Variants in JAZF1 observed in about 807,000 individuals in gnomAD.
The protein encoded by JAZF1 is JAZF zinc finger 1.
JAZF1 carries 8 observed loss-of-function variants against 26.4 expected under a neutral mutation model. That is an observed-to-expected ratio of 0.30 (90% CI 0.18 to 0.55). The LOEUF is 0.55. JAZF1 is among the 20% of genes least tolerant of loss of function. The pLI is 0.94. For synonymous variants in JAZF1, 126 were observed against 122.3 expected, an observed-to-expected ratio of 1.03 and a Z score of -0.20; for missense variants, 199 against 322.0, an observed-to-expected ratio of 0.62 and a Z score of 2.92.
chr7:27,895,485 G>C, intron 2 of JAZF1, 69 bp from the exon 3 acceptor site: 2 of 1,208,732 alleles, frequency 1.7e-6, no homozygotes, highest in African/African-American at 1.6e-5. Flanking sequence ...ACATTTATTA[G>C]AGTTTCAGAC....
At chr7:28,116,827 T>C (rs1233878615) in intron 1 of JAZF1, among the ~76,000 whole-genome samples, 1 of 152,050 alleles carries the variant, frequency 6.6e-6, no homozygotes, top group Non-Finnish European at 1.5e-5. Context: ...TCATTTTCTT[T>C]TTCTTTTTTC....
intron 1 of JAZF1, among the ~76,000 whole-genome samples, chr7:28,058,147 G>A (rs1273983723): frequency 2.6e-5 from 4 of 152,096 alleles, no homozygotes; most frequent in Admixed American, 2.6e-4. Flanking sequence ...GATCCTGGTG[G>A]GGACACCAAT....
At chr7:27,938,522 G>T (rs1039298733) in intron 2 of JAZF1, among the ~76,000 whole-genome samples, 1 of 152,166 alleles carries the variant, frequency 6.6e-6, no homozygotes, top group South Asian at 2.1e-4. Flanking sequence ...CTTGGGCAAG[G>T]TACTTATCTC....
chr7:27,975,363 C>A (rs1296905853), intron 2 of JAZF1, among the ~76,000 whole-genome samples: 1 of 152,126 alleles, frequency 6.6e-6, no homozygotes, highest in Non-Finnish European at 1.5e-5. Context: ...AAATCCACCC[C>A]TATGATCCAA....
At chr7:27,855,233 G>A (rs13237769) in intron 3 of JAZF1, among the ~76,000 whole-genome samples, 34,305 of 151,818 alleles carry the variant, frequency 0.23, 4,290 homozygotes, top group African/African-American at 0.33. Flanking sequence ...GCAGTGTGTA[G>A]AGGGAAATTT....
chr7:28,159,785 CAT>C (rs1478812016), intron 1 of JAZF1, among the ~76,000 whole-genome samples: 3 of 152,106 alleles, frequency 2.0e-5, no homozygotes, highest in African/African-American at 7.2e-5. Context: ...CTGGTGTACA[CAT>C]AGCCTATTAT....
At chr7:27,886,535 A>C (rs1000730161) in intron 3 of JAZF1, among the ~76,000 whole-genome samples, 4 of 152,202 alleles carry the variant, frequency 2.6e-5, no homozygotes, top group African/African-American at 9.7e-5. Context: ...TATCTATGAC[A>C]TTTTATGGGT....
At chr7:27,942,845 C>T (rs1006934001) in intron 2 of JAZF1, among the ~76,000 whole-genome samples, 1 of 152,162 alleles carries the variant, frequency 6.6e-6, no homozygotes, top group Non-Finnish European at 1.5e-5. Context: ...ACTGCAAAGG[C>T]AGCAGGGCAG....
At chr7:27,894,957 A>T (rs1486945574) in intron 3 of JAZF1, among the ~76,000 whole-genome samples, 2 of 152,150 alleles carry the variant, frequency 1.3e-5, no homozygotes, top group East Asian at 3.8e-4. Context: ...TGTTGTGTAG[A>T]TGGGTATGCA....
At chr7:27,893,339 A>T (rs1463252370) in intron 3 of JAZF1, among the ~76,000 whole-genome samples, 1 of 152,204 alleles carries the variant, frequency 6.6e-6, no homozygotes, top group Non-Finnish European at 1.5e-5. Context: ...GATAATTTTA[A>T]TCATGGCTAA....
At chr7:28,136,685 C>T (rs1028958146) in intron 1 of JAZF1, among the ~76,000 whole-genome samples, 5 of 152,194 alleles carry the variant, frequency 3.3e-5, no homozygotes, top group Admixed American at 2.0e-4. Flanking sequence ...TTTGTCCTTA[C>T]GGAGTTTGTG....
intron 2 of JAZF1, among the ~76,000 whole-genome samples, chr7:27,914,089 G>C (rs954329046): frequency 1.5e-4 from 23 of 152,186 alleles, no homozygotes; most frequent in African/African-American, 5.5e-4. Context: ...GAGCACAGGG[G>C]CAGGAGAAAC....
intron 1 of JAZF1, among the ~76,000 whole-genome samples, chr7:28,118,775 C>CACACACACACACACA (rs1784789822): frequency 6.6e-6 from 1 of 151,542 alleles, no homozygotes; most frequent in African/African-American, 2.4e-5. Flanking sequence ...CACACACACA[C>CACACACACACACACA]ACACACACAC....
intron 1 of JAZF1, among the ~76,000 whole-genome samples, chr7:28,090,616 T>C (rs1784278114): frequency 6.6e-6 from 1 of 152,152 alleles, no homozygotes; most frequent in Non-Finnish European, 1.5e-5. Context: ...CCAACACAGG[T>C]ACTAGTACTC....
At chr7:27,872,354 A>C (rs1783597639) in intron 3 of JAZF1, among the ~76,000 whole-genome samples, 1 of 152,242 alleles carries the variant, frequency 6.6e-6, no homozygotes, top group African/African-American at 2.4e-5. Flanking sequence ...TTTATAACTG[A>C]AAAAGAGTAA....
intron 1 of JAZF1, among the ~76,000 whole-genome samples, chr7:28,124,819 C>T (rs1782669604): frequency 6.6e-6 from 1 of 152,092 alleles, no homozygotes; most frequent in Non-Finnish European, 1.5e-5. Flanking sequence ...TTGATCAGAT[C>T]AATACTACAA....
chr7:28,167,703 T>C (rs907515512), intron 1 of JAZF1, among the ~76,000 whole-genome samples: 4 of 152,224 alleles, frequency 2.6e-5, no homozygotes, highest in East Asian at 1.9e-4. Flanking sequence ...CTGCTTTTTT[T>C]CCCAGGGGAA....
chr7:28,117,636 ACTATT>A (rs1375655241), intron 1 of JAZF1, among the ~76,000 whole-genome samples: 5 of 152,222 alleles, frequency 3.3e-5, no homozygotes, highest in Non-Finnish European at 7.3e-5. Context: ...AATTTTAAAT[ACTATT>A]CTATTTGTGT....
intron 3 of JAZF1, among the ~76,000 whole-genome samples, chr7:27,889,710 T>C (rs192702940): frequency 5.1e-4 from 77 of 152,188 alleles, no homozygotes; most frequent in African/African-American, 1.8e-3. Context: ...GGCAGGAGGA[T>C]CACTAGAGGT....
Sources: allele counts gnomAD v4.1 joint callset (sites outside exome capture counted in the v4.1 genomes callset), GRCh38; gene constraint gnomAD v4.1.1; transcripts MANE v1.5; gene names NCBI Gene and HGNC (gene_info 2026-07-23, HGNC 2026-07-21).